REXO5: variants seen among roughly 807,000 people sequenced by gnomAD.
REXO5 encodes the protein exonuclease NEF-sp.
REXO5 carries 48 observed loss-of-function variants against 88.5 expected under a neutral mutation model. The observed-to-expected ratio is 0.54, with a 90% CI of 0.43 to 0.69. The LOEUF (loss-of-function observed/expected upper bound fraction) is 0.69. REXO5 is among the 30% of genes least tolerant of loss of function. The pLI is 0.00. For missense variants in REXO5, 749 were observed against 912.2 expected (o/e 0.82, Z 2.30); for synonymous variants, 311 against 336.5 (o/e 0.92, Z 0.83).
Position 20,832,898 on chromosome 16 carries a change from A to C in REXO5, c.1263-105A>C, listed in dbSNP as rs1040631128. 7 of 986,166 alleles carry C rather than the reference A, an allele frequency of 7.1e-6. No individual in the cohort carries two copies. In the African/African-American group the frequency reaches 1.1e-4, roughly 16 times the overall value. The allele number at this position is 986,166 out of a possible 1,614,324, so 61.1% of individuals were successfully genotyped here. On this transcript the variant is annotated intron_variant, in intron 12 of 19. Coordinates refer to ENST00000261377, the MANE Select transcript of REXO5 (RefSeq NM_030941.3). ...TTATTTAATTTTAATTTTAATAGCTATATATTGCTAGTGGCTACCATATTG... is the reference window on the plus strand; with the variant it reads ...TTATTTAATTTTAATTTTAATAGCTCTATATTGCTAGTGGCTACCATATTG...
intron 15 of REXO5, among the ~76,000 whole-genome samples, chr16:20,840,786 CA>C (rs2081515130): frequency 6.6e-6 from 1 of 151,958 alleles, no homozygotes; most frequent in Non-Finnish European, 1.5e-5. Context: ...TGGGCTCAAG[CA>C]ATGTGAGACC....
At chr16:20,807,895 A>T (rs1596560161) in intron 2 of REXO5, among the ~76,000 whole-genome samples, 1 of 152,078 alleles carries the variant, frequency 6.6e-6, no homozygotes, top group African/African-American at 2.4e-5. Context: ...ACAGACTAGT[A>T]CCTGCCTGTC....
In REXO5 at chr16:20,813,192, A is replaced by G. The variant is rs200150070; in HGVS notation, c.141A>G (p.Lys47=). The G allele has an allele frequency of 5.6e-6, 9 of 1,609,376 alleles. No individual in the cohort carries two copies. Among genetic ancestry groups the G allele is most frequent in the Admixed American group, 5.0e-5 (3 of 60,008 alleles). The part of the protein sequence containing the change: ...DLEESQPEAK[K]ARLSTILFTD... ...TACGCCCTGATTAATCTTTGCAGAA[A>G]GCCCGCTTATCTACCATTTTATTTA... Residue 47 remains lysine (K), a splice_region_variant and synonymous_variant, in exon 3 of 20, where the codon AAA becomes AAG. Transcript: ENST00000261377.
At chr16:20,813,354 T>TTTTTTC in intron 3 of REXO5, 52 bp downstream of exon 3, 1 of 946,380 alleles carries the variant, frequency 1.1e-6, no homozygotes, top group Non-Finnish European at 1.6e-6. Flanking sequence ...CTTTTTTTTT[T>TTTTTTC]TTTTTTTTTT....
Position 20,849,612 on chromosome 16 carries a change from G to C in REXO5, c.*132G>C. The C allele has an allele frequency of 2.7e-6, 2 of 736,874 alleles. No individual in the cohort carries two copies. The highest frequency in any genetic ancestry group is 4.6e-6 in the Non-Finnish European group (2 of 430,456). 45.6% of individuals were successfully genotyped at this position (736,874 alleles called of 1,614,324 possible). On this transcript the variant is annotated 3_prime_UTR_variant, in exon 20 of 20. Transcript: ENST00000261377. ...TTGGTATAGCAGCTAAAAGAGTTTA[G>C]TTTGTTTATATGGCATGTATAAGTT...
At chr16:20,807,752 A>G (rs1049725603) in intron 2 of REXO5, among the ~76,000 whole-genome samples, 6 of 147,784 alleles carry the variant, frequency 4.1e-5, no homozygotes, top group African/African-American at 1.5e-4. Flanking sequence ...AAAAAAAAAC[A>G]AAAAACAAAA....
At chr16:20,827,562 A>T (rs2081278341) in intron 10 of REXO5, 115 bp downstream of exon 10, 4 of 751,494 alleles carry the variant, frequency 5.3e-6, no homozygotes, top group Non-Finnish European at 8.7e-6. Flanking sequence ...TTTGCTTTAA[A>T]CATGTTTTTT....
At chr16:20,833,397 T>C (rs879758713) in intron 13 of REXO5, among the ~76,000 whole-genome samples, 1 of 152,210 alleles carries the variant, frequency 6.6e-6, no homozygotes, top group African/African-American at 2.4e-5. Context: ...ATGGAAACGT[T>C]TATCTTGGTT....
chr16:20,806,686 G>T lies in REXO5; in HGVS notation c.-22G>T. 9.4e-7 allele frequency: 1 copy of T among 1,060,370 alleles called. No homozygotes were observed. Among genetic ancestry groups the T allele is most frequent in the Non-Finnish European group, 1.3e-6 (1 of 759,470 alleles). The allele number at this position is 1,060,370 out of a possible 1,614,324, so 65.7% of individuals were successfully genotyped here. A position where few individuals can be genotyped will look rare whatever the true frequency, so the allele number is the denominator to read the frequency against. ...CAGGCAGACGCCCGTTGTAGCCGTT[G>T]GGGAACCGTTGAGAATCCGGTAACC... On this transcript the variant is annotated 5_prime_UTR_variant, in exon 1 of 20. Transcript: ENST00000261377.
intron 11 of REXO5, among the ~76,000 whole-genome samples, chr16:20,831,504 C>A (rs1323591034): frequency 6.6e-6 from 1 of 152,050 alleles, no homozygotes; most frequent in African/African-American, 2.4e-5. Context: ...CCATACAAAT[C>A]TATTACTAAT....
chr16:20,814,789 G>A, intron 3 of REXO5, 138 bp from the exon 4 acceptor site: 1 of 769,678 alleles, frequency 1.3e-6, no homozygotes. Flanking sequence ...CCAGTTCCAG[G>A]CAGACGGTGA....
intron 15 of REXO5, among the ~76,000 whole-genome samples, chr16:20,840,886 GA>G (rs2081517483): frequency 1.3e-5 from 2 of 152,154 alleles, no homozygotes; most frequent in African/African-American, 4.8e-5. Context: ...CAGGCCATAC[GA>G]AAAAATATGT....
At chr16:20,816,089 T>G in intron 4 of REXO5, 27 bp from the exon 5 acceptor site, 4 of 1,597,522 alleles carry the variant, frequency 2.5e-6, no homozygotes, top group Non-Finnish European at 3.4e-6. Flanking sequence ...TCAACCATTT[T>G]TGTAAAACCT....
chr16:20,846,104 G>A (rs1011320064), intron 18 of REXO5, 117 bp from the exon 19 acceptor site: 24 of 816,012 alleles, frequency 2.9e-5, no homozygotes, highest in Non-Finnish European at 4.7e-5. Context: ...AAAGGGATTT[G>A]TCTGGAACCT....
At chr16:20,809,616 T>C (rs989317021) in intron 2 of REXO5, among the ~76,000 whole-genome samples, 11 of 152,228 alleles carry the variant, frequency 7.2e-5, no homozygotes, top group African/African-American at 2.7e-4. Context: ...GATACTCTGC[T>C]CCCTTGCAGA....
intron 15 of REXO5, 21 bp downstream of exon 15, chr16:20,840,489 T>C: frequency 2.0e-6 from 3 of 1,534,190 alleles, no homozygotes; most frequent in Non-Finnish European, 1.8e-6. Flanking sequence ...AAAATTCAGA[T>C]TTCATTTTCT....
chr16:20,840,400 G>C lies in REXO5; in HGVS notation c.1558G>C (p.Ala520Pro), dbSNP rs1390965900. ...GPFSKNCNLR[A>P]LKRLFKSFGP... ...ATTTAGCAAAAATTGCAATCTCAGG[G>C]CTCTGAAGAGGCTGTTTAAAAGCTT... Residue 520 changes from alanine to proline, a missense_variant, in exon 15 of 20, where the codon GCT becomes CCT. By Grantham distance (27) the Ala-to-Pro change is conservative. Transcript: ENST00000261377. The C allele has an allele frequency of 6.3e-7, 1 of 1,585,192 alleles. No individual in the cohort carries two copies. The highest frequency in any genetic ancestry group is 1.3e-5 in the African/African-American group (1 of 74,598).
At position 20,837,506 on chromosome 16, in the gene REXO5, T is replaced by G. The variant is rs74635635; in HGVS notation, c.1384-2249T>G. Reference sequence around the variant, plus strand: ...CTATCTTTCATTCACCTACTTTCTCTCTGATCCTTTTGATTTCATTTGTAT... The same window carrying G: ...CTATCTTTCATTCACCTACTTTCTCGCTGATCCTTTTGATTTCATTTGTAT... On this transcript the variant is annotated intron_variant, in intron 13 of 19. Coordinates refer to ENST00000261377, the MANE Select transcript of REXO5 (RefSeq NM_030941.3). Among the ~76,000 whole-genome samples the G allele has an allele frequency of 3.8e-4, 58 of 152,320 alleles. 1 individual carries two copies. In the East Asian group the frequency reaches 0.011, roughly 29 times the overall value.
At chr16:20,831,017 C>T (rs1295720003) in intron 11 of REXO5, among the ~76,000 whole-genome samples, 3 of 93,792 alleles carry the variant, frequency 3.2e-5, no homozygotes, top group East Asian at 3.1e-4. Flanking sequence ...TTTTTTGAGA[C>T]GGGGTCTCAC....
Sources: allele counts gnomAD v4.1 joint callset (sites outside exome capture counted in the v4.1 genomes callset), GRCh38; gene constraint gnomAD v4.1.1; transcripts MANE v1.5; gene names NCBI Gene and HGNC (gene_info 2026-07-23, HGNC 2026-07-21).